Variants in HS6ST2 observed in about 807,000 individuals in gnomAD.
HS6ST2 encodes heparan sulfate 6-O-sulfotransferase 2.
HS6ST2 carries 17 observed loss-of-function variants against 33.0 expected under a neutral mutation model. That is an observed-to-expected ratio of 0.52 (90% CI 0.35 to 0.77). The LOEUF (loss-of-function observed/expected upper bound fraction) is 0.77, where lower values mean the gene tolerates loss of function less well. Among genes scored for constraint, HS6ST2 ranks in the 30% least tolerant of loss-of-function variants. The probability of loss-of-function intolerance (pLI) is 0.01; values close to 1 mark genes in which losing one functional copy is unlikely to be tolerated. For synonymous variants in HS6ST2, 248 were observed against 237.1 expected (o/e 1.05, Z -0.42); for missense variants, 519 against 551.7 (o/e 0.94, Z 0.59).
intron 4 of HS6ST2, among the ~76,000 whole-genome samples, chrX:132,637,801 AT>A (rs1433177127): frequency 1.8e-4 from 8 of 44,673 alleles, no homozygotes; most frequent in South Asian, 1.1e-3. Context: ...TATATATAAT[AT>A]TATATATTAT....
chrX:132,682,804 T>G (rs1043408336), intron 3 of HS6ST2, among the ~76,000 whole-genome samples: 3 of 111,073 alleles, frequency 2.7e-5, no homozygotes, highest in Non-Finnish European at 5.7e-5. Context: ...GTTCTGCTGT[T>G]TCTTTTTAAA....
chrX:132,901,240 T>A (rs1252145240), intron 2 of HS6ST2, among the ~76,000 whole-genome samples: 2 of 112,136 alleles, frequency 1.8e-5, no homozygotes, highest in Admixed American at 1.9e-4. Flanking sequence ...AAGCCATGCC[T>A]AGATTCCTAA....
At chrX:132,931,323 T>C (rs2066766673) in intron 2 of HS6ST2, among the ~76,000 whole-genome samples, 1 of 111,549 alleles carries the variant, frequency 9.0e-6, no homozygotes, top group East Asian at 2.8e-4. Context: ...ACATCAGCTC[T>C]TTGTTGCAAA....
intron 2 of HS6ST2, among the ~76,000 whole-genome samples, chrX:132,898,473 C>T (rs1602839051): frequency 1.9e-5 from 2 of 106,498 alleles, no homozygotes; most frequent in South Asian, 8.6e-4. Flanking sequence ...AAAGTTCAGT[C>T]TGGCATCACA....
At chrX:132,633,862 G>A (rs1395505012) in intron 4 of HS6ST2, among the ~76,000 whole-genome samples, 1 of 111,664 alleles carries the variant, frequency 9.0e-6, no homozygotes, top group Non-Finnish European at 1.9e-5. Flanking sequence ...ATTGGAACAT[G>A]GCCTGCTAAG....
chrX:132,823,766 AC>A (rs1438386374), intron 2 of HS6ST2, among the ~76,000 whole-genome samples: 1 of 104,686 alleles, frequency 9.6e-6, no homozygotes, highest in Non-Finnish European at 1.9e-5. Context: ...CACAAAAATC[AC>A]TTGAACCCAG....
intron 2 of HS6ST2, among the ~76,000 whole-genome samples, chrX:132,885,621 G>T (rs940321417): frequency 2.7e-5 from 3 of 111,007 alleles, no homozygotes; most frequent in Non-Finnish European, 5.7e-5. Flanking sequence ...GATGTAAGAT[G>T]GCCCAGTAGA....
intron 2 of HS6ST2, among the ~76,000 whole-genome samples, chrX:132,942,366 C>T (rs1332122706): frequency 1.8e-5 from 2 of 111,481 alleles, no homozygotes; most frequent in African/African-American, 6.5e-5. Context: ...ATTTCTTTAC[C>T]TCCAACATTA....
intron 2 of HS6ST2, among the ~76,000 whole-genome samples, chrX:132,829,280 G>C (rs966163402): frequency 1.3e-4 from 13 of 101,858 alleles, no homozygotes; most frequent in Admixed American, 1.1e-3. Flanking sequence ...ATGTGTATAT[G>C]ATTCATACTA....
At chrX:132,892,872 CCTCTACA>C (rs2066330825) in intron 2 of HS6ST2, among the ~76,000 whole-genome samples, 1 of 111,891 alleles carries the variant, frequency 8.9e-6, no homozygotes, top group Non-Finnish European at 1.9e-5. Flanking sequence ...TTGTGTATAA[CCTCTACA>C]CATCCCCCAT....
intron 2 of HS6ST2, among the ~76,000 whole-genome samples, chrX:132,913,525 G>A (rs1170663086): frequency 1.8e-5 from 2 of 112,448 alleles, no homozygotes; most frequent in Non-Finnish European, 1.9e-5. Flanking sequence ...CAGCATGCCC[G>A]GCCCAGCTGC....
intron 2 of HS6ST2, among the ~76,000 whole-genome samples, chrX:132,809,402 A>C (rs1325969840): frequency 1.8e-5 from 2 of 112,234 alleles, no homozygotes; most frequent in Non-Finnish European, 3.8e-5. Flanking sequence ...CTGAGAATAG[A>C]TCCCAGGAAT....
At chrX:132,865,805 G>T (rs753056465) in intron 2 of HS6ST2, among the ~76,000 whole-genome samples, 1 of 111,244 alleles carries the variant, frequency 9.0e-6, no homozygotes, top group Admixed American at 9.5e-5. Context: ...CATGTCCTTC[G>T]CCCACTTTTT....
chrX:132,793,945 T>C (rs767796515), intron 2 of HS6ST2, among the ~76,000 whole-genome samples: 7 of 112,583 alleles, frequency 6.2e-5, no homozygotes, highest in African/African-American at 2.3e-4. Flanking sequence ...AAAATAGATA[T>C]TCCGTGCCAC....
intron 2 of HS6ST2, among the ~76,000 whole-genome samples, chrX:132,936,239 C>T (rs1034470539): frequency 1.8e-5 from 2 of 111,025 alleles, no homozygotes; most frequent in African/African-American, 6.5e-5. Context: ...GGAAAGAACA[C>T]ACAAGTTACC....
At chrX:132,903,076 C>A (rs921740043) in intron 2 of HS6ST2, among the ~76,000 whole-genome samples, 2 of 111,472 alleles carry the variant, frequency 1.8e-5, no homozygotes, top group Non-Finnish European at 3.8e-5. Flanking sequence ...TTTATTAGAA[C>A]TAATAAACAA....
chrX:132,955,760 C>T (rs1312638253), intron 2 of HS6ST2, among the ~76,000 whole-genome samples: 2 of 112,281 alleles, frequency 1.8e-5, no homozygotes, highest in African/African-American at 6.5e-5. Flanking sequence ...CACCCCACCA[C>T]CACCCACTTT....
At chrX:132,655,200 T>C (rs974036571) in intron 4 of HS6ST2, among the ~76,000 whole-genome samples, 1 of 111,987 alleles carries the variant, frequency 8.9e-6, no homozygotes. Flanking sequence ...AAATAGTTGC[T>C]CATTGAATTA....
rs921944780 is a variant in HS6ST2, at chrX:132,675,614, G to A, written c.981-6415C>T. On this transcript the variant is annotated intron_variant, in intron 3 of 4. Coordinates refer to ENST00000370833, the MANE Select transcript of HS6ST2 (RefSeq NM_001394073.1). ...AGGCAAGCTGGGTACCAAGAGATTG[G>A]TGGCAATCATTGGCAGCCCATTCCT... Among the ~76,000 whole-genome samples the A allele has an allele frequency of 2.7e-5, 3 of 111,026 alleles. No individual in the cohort carries two copies. The Admixed American group carries it at 2.9e-4, about 11-fold the overall frequency.
Sources: allele counts gnomAD v4.1 joint callset (sites outside exome capture counted in the v4.1 genomes callset), GRCh38; gene constraint gnomAD v4.1.1; transcripts MANE v1.5; gene names NCBI Gene and HGNC (gene_info 2026-07-23, HGNC 2026-07-21).